PIEZO2: variants seen among roughly 807,000 people sequenced by gnomAD.
PIEZO2 encodes piezo type mechanosensitive ion channel component 2.
Under a neutral mutation model 337.3 loss-of-function variants are expected in PIEZO2, and 172 were observed. The observed-to-expected ratio is 0.51, with a 90% CI of 0.45 to 0.58. The LOEUF (loss-of-function observed/expected upper bound fraction) is 0.58. PIEZO2 is among the 20% of genes least tolerant of loss of function. The probability of loss-of-function intolerance (pLI) is 0.00; values close to 1 mark genes in which losing one functional copy is unlikely to be tolerated. For missense variants in PIEZO2, 3,028 were observed against 3,391.3 expected (o/e 0.89, Z 2.66); for synonymous variants, 1,251 against 1,228.5 (o/e 1.02, Z -0.38).
At chr18:11,046,285 G>C (rs2037311079) in intron 2 of PIEZO2, among the ~76,000 whole-genome samples, 1 of 152,360 alleles carries the variant, frequency 6.6e-6, no homozygotes, top group Non-Finnish European at 1.5e-5. Context: ...TTCAAAGACA[G>C]ATGCAGCCCA....
At chr18:10,965,747 C>T (rs2033970117) in intron 3 of PIEZO2, among the ~76,000 whole-genome samples, 2 of 152,252 alleles carry the variant, frequency 1.3e-5, no homozygotes, top group South Asian at 4.1e-4. Context: ...AGATTTGAAA[C>T]ATTTTTATCT....
rs565448972 is a variant in PIEZO2, at chr18:10,853,190, A to G, written c.917+2163T>C. On this transcript the variant is annotated intron_variant, in intron 7 of 55. Transcript: ENST00000674853. The surrounding 1 kb of genome is among the most constrained non-coding windows in gnomAD (Gnocchi z 4.2). The stretch of plus-strand genomic sequence containing the variant: ...AAACAGACTACATGCAGCCCCTCCC[A>G]AGGGCTGGCAGGCCACTGTGCATGC... 1.1e-4 allele frequency among the ~76,000 whole-genome samples: 16 copies of G among 152,290 alleles called. No homozygotes were observed. Among genetic ancestry groups the G allele is most frequent in the African/African-American group, 3.6e-4 (15 of 41,576 alleles).
At chr18:11,044,166 T>G (rs1401936962) in intron 2 of PIEZO2, among the ~76,000 whole-genome samples, 1 of 149,720 alleles carries the variant, frequency 6.7e-6, no homozygotes, top group Non-Finnish European at 1.5e-5. Context: ...ATACTATATA[T>G]ATATATACAC....
rs1340051666 is a variant in PIEZO2 at position 10,741,077 on chromosome 18, C to T, written c.4662G>A (p.Lys1554=). ...GCCGCCACCACTGCTTTTTTTTGCC[C>T]TTGGCTTTCTGTTTGTCTGCTTCTC... ...DEREADKQKA[K]GKKKQWWRPW... is the part of the protein sequence containing the mutation. The change falls in exon 33 of 56, where the codon AAG becomes AAA. Residue 1554 remains lysine (K), a synonymous_variant. Coordinates refer to ENST00000674853, the MANE Select transcript of PIEZO2 (RefSeq NM_001378183.1). 1 of 1,536,868 alleles carries T rather than the reference C, an allele frequency of 6.5e-7. No individual in the cohort carries two copies. Among genetic ancestry groups the T allele is most frequent in the Admixed American group, 2.0e-5 (1 of 50,942 alleles).
intron 4 of PIEZO2, among the ~76,000 whole-genome samples, chr18:10,893,414 T>C (rs1230193186): frequency 2.0e-5 from 3 of 152,086 alleles, no homozygotes; most frequent in African/African-American, 7.3e-5. Flanking sequence ...CTGTCCTTTG[T>C]AGACTCTTCC....
intron 2 of PIEZO2, among the ~76,000 whole-genome samples, chr18:11,026,071 C>A (rs562781121): frequency 6.6e-6 from 1 of 152,138 alleles, no homozygotes; most frequent in African/African-American, 2.4e-5. Context: ...TAGTTCAGAT[C>A]AGGAGCACGC....
intron 2 of PIEZO2, among the ~76,000 whole-genome samples, chr18:11,049,963 C>T (rs1312823966): frequency 1.3e-5 from 2 of 152,162 alleles, no homozygotes; most frequent in African/African-American, 2.4e-5. Context: ...CTTGGGGCTT[C>T]TGAAATACTT....
chr18:11,124,506 C>G (rs143687130), intron 1 of PIEZO2, among the ~76,000 whole-genome samples: 4 of 152,156 alleles, frequency 2.6e-5, no homozygotes, highest in African/African-American at 7.2e-5. Flanking sequence ...CTAGAAGATA[C>G]GTGCCGAATG....
intron 2 of PIEZO2, among the ~76,000 whole-genome samples, chr18:11,037,900 T>C (rs1330368051): frequency 1.3e-5 from 2 of 152,236 alleles, no homozygotes; most frequent in East Asian, 3.8e-4. Flanking sequence ...TTAAATAATT[T>C]CTGCAAACGA....
intron 1 of PIEZO2, among the ~76,000 whole-genome samples, chr18:11,085,043 C>T (rs112234979): frequency 1.3e-5 from 2 of 152,306 alleles, no homozygotes; most frequent in South Asian, 2.1e-4. Context: ...AAGTGAATAA[C>T]GGAATGAATT....
At chr18:10,711,381 T>C (rs2035813015) in intron 39 of PIEZO2, among the ~76,000 whole-genome samples, 1 of 152,222 alleles carries the variant, frequency 6.6e-6, no homozygotes, top group Non-Finnish European at 1.5e-5. Flanking sequence ...GCATCTTTTT[T>C]CAAGCCAGGC....
Position 10,773,868 on chromosome 18 carries a change from G to A in PIEZO2, c.2567+138C>T, listed in dbSNP as rs2038693120. ...TAGCTTTTTTAATTCGGGTTCTAGTGATTAGTTGGTAATGAGAGCTATCAA... is the reference window on the plus strand; with the variant it reads ...TAGCTTTTTTAATTCGGGTTCTAGTAATTAGTTGGTAATGAGAGCTATCAA... On this transcript the variant is annotated intron_variant, in intron 19 of 55. Coordinates refer to ENST00000674853, the MANE Select transcript of PIEZO2 (RefSeq NM_001378183.1). This position sits in a 1 kb window ranked among gnomAD's most constrained non-coding sequence, Gnocchi z 5.3. The A allele has an allele frequency of 3.2e-6, 2 of 624,726 alleles. No homozygotes were observed. The highest frequency in any genetic ancestry group is 5.7e-6 in the Non-Finnish European group (2 of 352,274). The allele number at this position is 624,726 out of a possible 1,614,324, so 38.7% of individuals were successfully genotyped here. A position where few individuals can be genotyped will look rare whatever the true frequency, so the allele number is the denominator to read the frequency against.
intron 13 of PIEZO2, among the ~76,000 whole-genome samples, chr18:10,793,349 A>T (rs911523304): frequency 3.3e-5 from 5 of 152,168 alleles, no homozygotes; most frequent in African/African-American, 1.2e-4. Context: ...AAAACCTTGC[A>T]CTTTTTCTGA....
chr18:11,035,301 T>TTCTCTCTCTCTCCC lies in PIEZO2; in HGVS notation c.160+30812_160+30825dup, dbSNP rs965244979. 7.2e-6 allele frequency among the ~76,000 whole-genome samples: 1 copy of TTCTCTCTCTCTCCC among 138,812 alleles called. No homozygotes were observed. The highest frequency in any genetic ancestry group is 2.1e-4 in the East Asian group (1 of 4,852). 91.1% of individuals were successfully genotyped at this position (138,812 alleles called of 152,430 possible). On this transcript the variant is annotated intron_variant, in intron 2 of 55. Coordinates refer to ENST00000674853, the MANE Select transcript of PIEZO2 (RefSeq NM_001378183.1). This position sits in a 1 kb window ranked among gnomAD's most constrained non-coding sequence, Gnocchi z 4.3. ...CTGGTTGTTTAAAAAGCCTGGCACC[T>TTCTCTCTCTCTCCC]TCTCTCTCTCTCCCTCTCTCTCTCT...
chr18:10,986,543 T>G (rs2145524123), intron 2 of PIEZO2, among the ~76,000 whole-genome samples: 1 of 152,026 alleles, frequency 6.6e-6, no homozygotes, highest in East Asian at 1.9e-4. Flanking sequence ...TAATGAAAAC[T>G]TTCAACATAT....
intron 1 of PIEZO2, among the ~76,000 whole-genome samples, chr18:11,123,031 A>C (rs2040075521): frequency 6.6e-6 from 1 of 152,024 alleles, no homozygotes; most frequent in Non-Finnish European, 1.5e-5. Context: ...TACTTTTTTA[A>C]TCTGTCGGAA....
intron 4 of PIEZO2, among the ~76,000 whole-genome samples, chr18:10,881,754 T>C (rs2042426158): frequency 6.6e-6 from 1 of 151,934 alleles, no homozygotes; most frequent in African/African-American, 2.4e-5. Context: ...AACAAAAAAC[T>C]CCAAAACAAT....
intron 2 of PIEZO2, among the ~76,000 whole-genome samples, chr18:11,020,035 C>A (rs1253171841): frequency 6.6e-6 from 1 of 152,056 alleles, no homozygotes; most frequent in African/African-American, 2.4e-5. Flanking sequence ...CCCAATAAAT[C>A]TTCTCTTTAA....
rs139978394 is a variant in PIEZO2 at position 10,913,192 on chromosome 18, A to G, written c.287-1964T>C. ...TGTGATATTTTGATACATGTCTATGATGTGTAATTCTCAGACAATTATCCT... is the reference window on the plus strand; with the variant it reads ...TGTGATATTTTGATACATGTCTATGGTGTGTAATTCTCAGACAATTATCCT... On this transcript the variant is annotated intron_variant, in intron 3 of 55. Transcript: ENST00000674853. Among the ~76,000 whole-genome samples, 772 of 152,302 alleles carry G rather than the reference A, an allele frequency of 5.1e-3. 5 individuals carry two copies. The highest frequency in any genetic ancestry group is 7.3e-3 in the Non-Finnish European group (494 of 68,030).
Sources: allele counts gnomAD v4.1 joint callset (sites outside exome capture counted in the v4.1 genomes callset), GRCh38; gene constraint gnomAD v4.1.1; non-coding constraint Gnocchi (gnomAD v3.1); transcripts MANE v1.5; gene names NCBI Gene and HGNC (gene_info 2026-07-23, HGNC 2026-07-21).